The following VARS1 variants were observed in gnomAD, a reference collection of about 807,000 sequenced individuals.
The protein encoded by VARS1 is valine--tRNA ligase.
Under a neutral mutation model 161.0 loss-of-function variants are expected in VARS1, and 92 were observed. The observed-to-expected ratio is 0.57, with a 90% confidence interval of 0.48 to 0.68. VARS1 has a LOEUF of 0.68. Among genes scored for constraint, VARS1 ranks in the 30% least tolerant of loss-of-function variants. The pLI is 0.00. For missense variants in VARS1, 1,338 were observed against 1,695.9 expected (o/e 0.79, Z 3.71); for synonymous variants, 595 against 682.5 (o/e 0.87, Z 2.00).
Position 31,782,351 on chromosome 6 carries a change from C to T in VARS1, c.2084G>A (p.Arg695Gln), listed in dbSNP as rs966585584. The change falls in exon 17 of 30, where the codon CGG (arginine) becomes CAG (glutamine). Residue 695 changes from arginine to glutamine, a missense_variant. Around this residue, in one of 3 missense-constraint regions of VARS1, gnomAD observed 902 missense variants for 1,090.3 expected, o/e 0.83. Coordinates refer to ENST00000375663, the MANE Select transcript of VARS1 (RefSeq NM_006295.3). This position sits in a 1 kb window ranked among gnomAD's most constrained non-coding sequence, Gnocchi z 8.3. The part of the protein sequence containing the change: ...MAQAASAAVT[R>Q]GDLRILPEAH... The stretch of plus-strand genomic sequence containing the variant: ...CTCAGGCAGGATGCGGAGGTCACCC[C>T]GAGTCACAGCGGCGCTGGCAGCCTG... The T allele has an allele frequency of 2.5e-5, 41 of 1,612,648 alleles. No homozygotes were observed. The highest frequency in any genetic ancestry group is 1.1e-4 in the African/African-American group (8 of 74,924).
At position 31,784,122 on chromosome 6, in the gene VARS1, C is replaced by T; in HGVS notation, c.1671+92G>A. 6.9e-7 allele frequency: 1 copy of T among 1,443,366 alleles called. No homozygotes were observed. Among genetic ancestry groups the T allele is most frequent in the Non-Finnish European group, 9.6e-7 (1 of 1,043,374 alleles). 89.4% of individuals were successfully genotyped at this position (1,443,366 alleles called of 1,614,324 possible). ...AGTTTCTAACCCAGTTTCCTCTCCT[C>T]AGCCAGGGGCCTAAGTCCAACCCCT... On this transcript the variant is annotated intron_variant, in intron 13 of 29. Coordinates refer to ENST00000375663, the MANE Select transcript of VARS1 (RefSeq NM_006295.3). This position sits in a 1 kb window ranked among gnomAD's most constrained non-coding sequence, Gnocchi z 6.1.
rs777470055 is a variant in VARS1 at position 31,791,585 on chromosome 6, G to C, written c.1100+25C>G. On this transcript the variant is annotated intron_variant, in intron 8 of 29. Transcript: ENST00000375663. The surrounding 1 kb of genome is among the most constrained non-coding windows in gnomAD (Gnocchi z 5.0). ...GAGCCAGACTAGGCAGAGGGAACCA[G>C]AGGAAGGTGCAGATAGAAGCTCACC... 6.3e-7 allele frequency: 1 copy of C among 1,594,222 alleles called. No individual in the cohort carries two copies. Among genetic ancestry groups the C allele is most frequent in the Admixed American group, 1.7e-5 (1 of 58,694 alleles).
At chr6:31,794,572 T>C (rs1814130462) in intron 2 of VARS1, among the ~76,000 whole-genome samples, 1 of 152,220 alleles carries the variant, frequency 6.6e-6, no homozygotes, top group Non-Finnish European at 1.5e-5. Context: ...AACTATGTGC[T>C]CTGCGCACAT....
In VARS1 at chr6:31,777,726, G is replaced by A. The variant is rs901850451; in HGVS notation, c.3727-64C>T. The A allele has an allele frequency of 2.6e-6, 4 of 1,563,498 alleles. No homozygotes were observed. The highest frequency in any genetic ancestry group is 2.3e-5 in the East Asian group (1 of 42,696). ...AAGTGAAGAGACCCCCAAACACCCA[G>A]GACAACAAAGTTGGAAAGATGAGCG... On this transcript the variant is annotated intron_variant, in intron 29 of 29. Transcript: ENST00000375663. This position sits in a 1 kb window ranked among gnomAD's most constrained non-coding sequence, Gnocchi z 5.8.
rs974195155 is a variant in VARS1 at position 31,781,205 on chromosome 6, C to T, written c.2545-82G>A. 57 of 1,504,002 alleles carry T rather than the reference C, an allele frequency of 3.8e-5. No homozygotes were observed. The highest frequency in any genetic ancestry group is 5.1e-5 in the Non-Finnish European group (56 of 1,095,834). The allele number at this position is 1,504,002 out of a possible 1,614,324, so 93.2% of individuals were successfully genotyped here. ...TGCCCCGACCAGGACTGTGTCTGGT[C>T]TACCCCACTGTGAACCTCAGGTCCC... is the stretch of plus-strand genomic sequence containing the variant. On this transcript the variant is annotated intron_variant, in intron 21 of 29. Transcript: ENST00000375663. This position sits in a 1 kb window ranked among gnomAD's most constrained non-coding sequence, Gnocchi z 6.8.
In VARS1 at chr6:31,785,876, AG is replaced by A. The variant is rs1413934715; in HGVS notation, c.1101-144del. 4.6e-6 allele frequency: 5 copies of A among 1,092,642 alleles called. No homozygotes were observed. The highest frequency in any genetic ancestry group is 6.3e-6 in the Non-Finnish European group (5 of 789,962). 67.7% of individuals were successfully genotyped at this position (1,092,642 alleles called of 1,614,324 possible). ...CGCGGTGGCTCACGCCTGTAATCCCAGAACTTTGGGAGGCTGAGGTGGGTGG... is the reference window on the plus strand; with the variant it reads ...CGCGGTGGCTCACGCCTGTAATCCCAAACTTTGGGAGGCTGAGGTGGGTGG... On this transcript the variant is annotated intron_variant, in intron 8 of 29. Transcript: ENST00000375663. This position sits in a 1 kb window ranked among gnomAD's most constrained non-coding sequence, Gnocchi z 6.1.
intron 2 of VARS1, among the ~76,000 whole-genome samples, chr6:31,793,507 G>GAA (rs903657675): frequency 1.4e-5 from 2 of 140,982 alleles, no homozygotes; most frequent in Non-Finnish European, 1.6e-5. Flanking sequence ...CTCCGTCTCA[G>GAA]AAAAAAAAAA....
At chr6:31,786,438 G>A (rs190475908) in intron 8 of VARS1, among the ~76,000 whole-genome samples, 40 of 152,118 alleles carry the variant, frequency 2.6e-4, no homozygotes, top group African/African-American at 9.2e-4. Context: ...AGGCCAAGGC[G>A]AGTGGATCAC....
Position 31,780,897 on chromosome 6 carries a change from G to T in VARS1, c.2691C>A (p.Ser897Arg). Residue 897 changes from serine (S) to arginine (R), a missense_variant, in exon 23 of 30, where the codon AGC becomes AGA. Coordinates refer to ENST00000375663, the MANE Select transcript of VARS1 (RefSeq NM_006295.3). The surrounding 1 kb of genome is among the most constrained non-coding windows in gnomAD (Gnocchi z 5.1). ...NQLLNSNLDP[S>R]EVEKAKEGQK... The stretch of plus-strand genomic sequence containing the variant: ...GCCCTTCTTTGGCCTTCTCCACCTC[G>T]CTGGGATCCAGGTTGCTGTTCAGCA... The T allele has an allele frequency of 1.2e-6, 2 of 1,614,116 alleles. No homozygotes were observed. Among genetic ancestry groups the T allele is most frequent in the Non-Finnish European group, 1.7e-6 (2 of 1,180,004 alleles).
intron 8 of VARS1, among the ~76,000 whole-genome samples, chr6:31,787,462 T>C (rs992491047): frequency 4.6e-5 from 7 of 151,704 alleles, no homozygotes; most frequent in Admixed American, 1.3e-4. Context: ...TTGGCCAACA[T>C]GGCAAAACTC....
chr6:31,780,685 G>A lies in VARS1; in HGVS notation c.2797+20C>T. On this transcript the variant is annotated intron_variant, in intron 24 of 29. Coordinates refer to ENST00000375663, the MANE Select transcript of VARS1 (RefSeq NM_006295.3). This position sits in a 1 kb window ranked among gnomAD's most constrained non-coding sequence, Gnocchi z 5.1. ...AGAAGGAGGAAGGAGTGGCTGGGAGGGACGCTTTGGGGGCCATACCCTGGG... is the reference window on the plus strand; with the variant it reads ...AGAAGGAGGAAGGAGTGGCTGGGAGAGACGCTTTGGGGGCCATACCCTGGG... 6.2e-7 allele frequency: 1 copy of A among 1,614,082 alleles called. No homozygotes were observed.
Position 31,780,565 on chromosome 6 carries a change from C to T in VARS1, c.2801G>A (p.Arg934His), listed in dbSNP as rs774639970. The T allele has an allele frequency of 3.7e-6, 6 of 1,613,272 alleles. No individual in the cohort carries two copies. Among genetic ancestry groups the T allele is most frequent in the Non-Finnish European group, 4.2e-6 (5 of 1,179,670 alleles). ...CCGGTTCACATCCAGGTTGATGTCA[C>T]GACCTGGGTCGGGGGTGAGATGTGA... Reference protein sequence around the residue: ...FGLCAYMSQGRDINLDVNRIL... With the variant: ...FGLCAYMSQGHDINLDVNRIL... Residue 934 changes from arginine (R) to histidine (H), a missense_variant, in exon 25 of 30, where the codon CGT (arginine) becomes CAT (histidine). By Grantham distance (29) the Arg-to-His change is conservative (BLOSUM62 0). Transcript: ENST00000375663. The surrounding 1 kb of genome is among the most constrained non-coding windows in gnomAD (Gnocchi z 5.1).
In VARS1 at chr6:31,785,602, G is replaced by T. The variant is rs755403480; in HGVS notation, c.1232C>A (p.Ala411Asp). ...GLSRHQLGREAFLQEVWKWKE... is the reference protein window; with the variant it reads ...GLSRHQLGREDFLQEVWKWKE... ...CCACTTCCAGACTTCCTGTAGAAAG[G>T]CCTCGCGGCCCAGCTGGTGCCGGCT... The change falls in exon 9 of 30, where the codon GCC (alanine) becomes GAC (aspartate). Residue 411 changes from alanine to aspartate, a missense_variant. Physicochemically the swap from Ala to Asp is moderately radical, Grantham distance 126 (BLOSUM62 -2). Coordinates refer to ENST00000375663, the MANE Select transcript of VARS1 (RefSeq NM_006295.3). This position sits in a 1 kb window ranked among gnomAD's most constrained non-coding sequence, Gnocchi z 6.1. The T allele has an allele frequency of 1.9e-6, 3 of 1,612,274 alleles. No homozygotes were observed. The highest frequency in any genetic ancestry group is 2.2e-5 in the South Asian group (2 of 90,984).
chr6:31,779,820 G>A lies in VARS1; in HGVS notation c.3082-6C>T. 6.2e-7 allele frequency: 1 copy of A among 1,612,812 alleles called. No individual in the cohort carries two copies. ...AGTACAGGTTTCAGGCACTCCTAGG[G>A]GACGAGAGGTACAGGGCTCACGGCT... On this transcript the variant is annotated splice_region_variant and splice_polypyrimidine_tract_variant and intron_variant, in intron 26 of 29. Transcript: ENST00000375663. This position sits in a 1 kb window ranked among gnomAD's most constrained non-coding sequence, Gnocchi z 9.1.
Position 31,791,569 on chromosome 6 carries a change from T to C in VARS1, c.1100+41A>G. 2 of 1,575,960 alleles carry C rather than the reference T, an allele frequency of 1.3e-6. No homozygotes were observed. The highest frequency in any genetic ancestry group is 4.5e-5 in the East Asian group (2 of 44,644). On this transcript the variant is annotated intron_variant, in intron 8 of 29. Transcript: ENST00000375663. The surrounding 1 kb of genome is among the most constrained non-coding windows in gnomAD (Gnocchi z 5.0). ...GTCAGGGAAAAGGAGAGAGCCAGAC[T>C]AGGCAGAGGGAACCAGAGGAAGGTG...
In VARS1 at chr6:31,785,709, G is replaced by C; in HGVS notation, c.1125C>G (p.Thr375=). The C allele has an allele frequency of 6.2e-7, 1 of 1,612,476 alleles. No individual in the cohort carries two copies. The highest frequency in any genetic ancestry group is 1.1e-5 in the South Asian group (1 of 91,046). ...CATGGTCACAGCCAGGGTTCCACAGGGTGGTCTCCCCACGCATGCGGTGCC... is the reference window on the plus strand; with the variant it reads ...CATGGTCACAGCCAGGGTTCCACAGCGTGGTCTCCCCACGCATGCGGTGCC... ...TRWHRMRGET[T]LWNPGCDHAG... Residue 375 remains threonine (T), a synonymous_variant, in exon 9 of 30, where the codon ACC becomes ACG. Coordinates refer to ENST00000375663, the MANE Select transcript of VARS1 (RefSeq NM_006295.3). The surrounding 1 kb of genome is among the most constrained non-coding windows in gnomAD (Gnocchi z 6.1).
Position 31,778,715 on chromosome 6 carries a change from T to C in VARS1, c.3726+252A>G. On this transcript the variant is annotated intron_variant, in intron 29 of 29. Transcript: ENST00000375663. This position sits in a 1 kb window ranked among gnomAD's most constrained non-coding sequence, Gnocchi z 5.1. ...GTTGTAGAGATGGGATTTCACCATG[T>C]TGGCTGGTCTCAAACCCCTGGGCTC... is the stretch of plus-strand genomic sequence containing the variant. 5.3e-6 allele frequency: 3 copies of C among 569,440 alleles called. No individual in the cohort carries two copies. Among genetic ancestry groups the C allele is most frequent in the African/African-American group, 1.9e-5 (1 of 52,346 alleles). The allele number at this position is 569,440 out of a possible 1,614,324, so 35.3% of individuals were successfully genotyped here.
rs371885173 is a variant in VARS1 at position 31,781,674 on chromosome 6, C to T, written c.2418+17G>A. ...TCCAGTCCCCTGTCCCGCCAAGCCC[C>T]GGCCCCAGGAACACACCTGGTTGGG... On this transcript the variant is annotated intron_variant, in intron 20 of 29. Coordinates refer to ENST00000375663, the MANE Select transcript of VARS1 (RefSeq NM_006295.3). This position sits in a 1 kb window ranked among gnomAD's most constrained non-coding sequence, Gnocchi z 6.8. 69 of 1,612,874 alleles carry T rather than the reference C, an allele frequency of 4.3e-5. No homozygotes were observed. The highest frequency in any genetic ancestry group is 3.0e-4 in the South Asian group (27 of 91,088).
rs761439329 is a variant in VARS1 at position 31,785,273 on chromosome 6, C to G, written c.1320G>C (p.Trp440Cys). The stretch of plus-strand genomic sequence containing the variant: ...GGTCCATGGTGAAACAGGCTCGATC[C>G]CAGTCCAAGGAGCTGCCAAGCTTCT... The part of the protein sequence containing the change: ...QLKKLGSSLD[W>C]DRACFTMDPK... The change falls in exon 10 of 30, where the codon TGG (tryptophan) becomes TGC (cysteine). Residue 440 changes from tryptophan (W) to cysteine (C), a missense_variant. By Grantham distance (215) the Trp-to-Cys change is radical. Around this residue, in one of 3 missense-constraint regions of VARS1, gnomAD observed 902 missense variants for 1,090.3 expected, o/e 0.83. Transcript: ENST00000375663. The surrounding 1 kb of genome is among the most constrained non-coding windows in gnomAD (Gnocchi z 6.1). 1.9e-6 allele frequency: 3 copies of G among 1,612,962 alleles called. No homozygotes were observed. The highest frequency in any genetic ancestry group is 2.5e-6 in the Non-Finnish European group (3 of 1,180,046).
Sources: allele counts gnomAD v4.1 joint callset (sites outside exome capture counted in the v4.1 genomes callset), GRCh38; gene constraint gnomAD v4.1.1; regional missense constraint gnomAD v4.1.1; non-coding constraint Gnocchi (gnomAD v3.1); transcripts MANE v1.5; gene names NCBI Gene and HGNC (gene_info 2026-07-23, HGNC 2026-07-21).